Variants in NPAS3 observed in about 807,000 individuals in gnomAD.
The protein encoded by NPAS3 is neuronal PAS domain-containing protein 3.
A neutral mutation model predicts 73.1 loss-of-function variants in NPAS3; 14 were observed. That is an observed-to-expected ratio of 0.19 (90% CI 0.13 to 0.30). The LOEUF (loss-of-function observed/expected upper bound fraction) is 0.30. NPAS3 is among the 10% of genes least tolerant of loss of function. The pLI is 1.00. For missense variants in NPAS3, 1,096 were observed against 1,250.0 expected, an observed-to-expected ratio of 0.88 and a Z score of 1.86; for synonymous variants, 620 against 541.5, an observed-to-expected ratio of 1.14 and a Z score of -2.01.
intron 3 of NPAS3, among the ~76,000 whole-genome samples, chr14:33,257,341 G>A (rs920950800): frequency 6.6e-6 from 1 of 152,062 alleles, no homozygotes; most frequent in African/African-American, 2.4e-5. Flanking sequence ...TAACTCCAGG[G>A]TTCTCCAGGC....
At chr14:33,331,501 A>C (rs1254931055) in intron 3 of NPAS3, among the ~76,000 whole-genome samples, 1 of 152,144 alleles carries the variant, frequency 6.6e-6, no homozygotes, top group Non-Finnish European at 1.5e-5. Context: ...GGCCTAGATT[A>C]TAGTGCCTTT....
At chr14:33,262,758 G>A (rs1180164955) in intron 3 of NPAS3, among the ~76,000 whole-genome samples, 2 of 152,156 alleles carry the variant, frequency 1.3e-5, no homozygotes, top group East Asian at 3.9e-4. Context: ...ATGAAAATAA[G>A]AGTGGTTTAT....
At chr14:33,657,225 A>T (rs4132031) in intron 5 of NPAS3, among the ~76,000 whole-genome samples, 85,008 of 152,028 alleles carry the variant, frequency 0.56, 24,091 homozygotes, top group African/African-American at 0.67. Context: ...ACAAGCCCCT[A>T]AAGTTCTGAA....
intron 5 of NPAS3, among the ~76,000 whole-genome samples, chr14:33,607,254 A>G (rs74042349): frequency 1.3e-5 from 2 of 152,202 alleles, no homozygotes; most frequent in Non-Finnish European, 2.9e-5. Context: ...ATAGTCAAAA[A>G]CTGGAAACAT....
At chr14:33,246,867 A>AAT (rs1281482685) in intron 3 of NPAS3, among the ~76,000 whole-genome samples, 1 of 134,366 alleles carries the variant, frequency 7.4e-6, no homozygotes, top group African/African-American at 2.6e-5. Flanking sequence ...AAAAAAAAAA[A>AAT]GCTGGGCATG....
chr14:33,508,867 T>C (rs1411364432), intron 4 of NPAS3, among the ~76,000 whole-genome samples: 2 of 151,950 alleles, frequency 1.3e-5, no homozygotes, highest in Non-Finnish European at 2.9e-5. Context: ...GACTTTGACA[T>C]CACTCTCACC....
chr14:33,753,602 T>C (rs1489525122), intron 7 of NPAS3, among the ~76,000 whole-genome samples: 1 of 152,006 alleles, frequency 6.6e-6, no homozygotes, highest in Non-Finnish European at 1.5e-5. Context: ...AATTGTAGGG[T>C]TCATTTAGTC....
At chr14:33,002,217 A>G (rs1188758025) in intron 1 of NPAS3, among the ~76,000 whole-genome samples, 2 of 152,206 alleles carry the variant, frequency 1.3e-5, no homozygotes, top group Admixed American at 6.5e-5. Context: ...GTTAAGATCC[A>G]TAAGAGCAGG....
At chr14:33,209,699 T>C (rs2046960297) in intron 2 of NPAS3, among the ~76,000 whole-genome samples, 1 of 152,140 alleles carries the variant, frequency 6.6e-6, no homozygotes, top group Admixed American at 6.5e-5. Context: ...AGTAGGAAAA[T>C]CCATAAAAAC....
Position 33,037,545 on chromosome 14 carries a change from G to A in NPAS3, c.51-18360G>A, listed in dbSNP as rs2040211706. On this transcript the variant is annotated intron_variant, in intron 1 of 11. Transcript: ENST00000356141. ...GGTTGGTGTGGTGTTGCACACCTGT[G>A]GTCTCAGCTGCTAAAGAGGCTGAGG... is the stretch of plus-strand genomic sequence containing the variant. Among the ~76,000 whole-genome samples the A allele has an allele frequency of 2.6e-5, 4 of 151,832 alleles. No homozygotes were observed. In the South Asian group the frequency reaches 6.2e-4, roughly 24 times the overall value.
intron 10 of NPAS3, among the ~76,000 whole-genome samples, chr14:33,794,566 T>A (rs954009624): frequency 1.3e-5 from 2 of 152,094 alleles, no homozygotes; most frequent in African/African-American, 4.8e-5. Flanking sequence ...CAAAGTGAGT[T>A]GCTTTGCCGG....
At chr14:33,675,643 A>G (rs1441851633) in intron 5 of NPAS3, among the ~76,000 whole-genome samples, 2 of 152,244 alleles carry the variant, frequency 1.3e-5, no homozygotes, top group East Asian at 3.8e-4. Flanking sequence ...AGAGCTAATG[A>G]GTAATTTTTA....
intron 2 of NPAS3, among the ~76,000 whole-genome samples, chr14:33,119,544 A>G (rs931231179): frequency 1.3e-4 from 20 of 152,244 alleles, no homozygotes; most frequent in East Asian, 1.9e-4. Context: ...ACTACACCAG[A>G]TAAGTCACCA....
In NPAS3 at chr14:33,214,070, GA is replaced by G; in HGVS notation, c.141-1110del. 1.3e-5 allele frequency: 2 copies of G among 152,080 alleles called. 1 individual carries two copies. Among genetic ancestry groups the G allele is most frequent in the Middle Eastern group, 6.8e-3 (2 of 294 alleles). The allele number at this position is 152,080 out of a possible 1,614,324, so 9.4% of individuals were successfully genotyped here. A position where few individuals can be genotyped will look rare whatever the true frequency, so the allele number is the denominator to read the frequency against. On this transcript the variant is annotated intron_variant, in intron 2 of 11. Transcript: ENST00000356141. Reference sequence around the variant, plus strand: ...CTTATTATTTCATAATGAAAAAAAAGAATGCTAGACTCAAATATTTACAGTG... The same window carrying G: ...CTTATTATTTCATAATGAAAAAAAAGATGCTAGACTCAAATATTTACAGTG...
At chr14:33,313,942 C>G (rs535981270) in intron 3 of NPAS3, among the ~76,000 whole-genome samples, 1 of 152,030 alleles carries the variant, frequency 6.6e-6, no homozygotes, top group Non-Finnish European at 1.5e-5. Flanking sequence ...GAACTCTATT[C>G]AAGGTCTGCA....
intron 5 of NPAS3, among the ~76,000 whole-genome samples, chr14:33,619,555 A>G (rs928850340): frequency 1.3e-5 from 2 of 152,214 alleles, no homozygotes; most frequent in African/African-American, 4.8e-5. Context: ...TCAGACAAGG[A>G]TGTATATGAA....
intron 5 of NPAS3, among the ~76,000 whole-genome samples, chr14:33,655,763 G>C (rs1326878094): frequency 6.6e-6 from 1 of 151,996 alleles, no homozygotes; most frequent in Admixed American, 6.6e-5. Context: ...TTTTTGAAGA[G>C]TACAAGACTG....
intron 4 of NPAS3, among the ~76,000 whole-genome samples, chr14:33,520,385 T>A (rs11156797): frequency 0.56 from 85,425 of 151,808 alleles, 24,024 homozygotes; most frequent in South Asian, 0.67. Context: ...TTTGGTTGTT[T>A]TGTTTCATCT....
intron 5 of NPAS3, among the ~76,000 whole-genome samples, chr14:33,655,746 A>C (rs374401638): frequency 2.6e-4 from 40 of 152,132 alleles, no homozygotes; most frequent in African/African-American, 8.7e-4. Flanking sequence ...TTTCTCCTGT[A>C]GTGGCCTTTT....
Sources: allele counts gnomAD v4.1 joint callset (sites outside exome capture counted in the v4.1 genomes callset), GRCh38; gene constraint gnomAD v4.1.1; transcripts MANE v1.5; gene names NCBI Gene and HGNC (gene_info 2026-07-23, HGNC 2026-07-21).